Variants in ACTR3C observed in about 807,000 individuals in gnomAD.
ACTR3C encodes actin-related protein 3C.
A neutral mutation model predicts 26.3 loss-of-function variants in ACTR3C; 18 were observed. The observed-to-expected ratio is 0.68, with a 90% CI of 0.47 to 1.01. ACTR3C has a LOEUF of 1.01. ACTR3C is among the 50% of genes least tolerant of loss of function. The pLI is 0.00. For missense variants in ACTR3C, 184 were observed against 250.7 expected, an observed-to-expected ratio of 0.73 and a Z score of 1.80; for synonymous variants, 55 against 94.5, an observed-to-expected ratio of 0.58 and a Z score of 2.42.
the ACTR3C span, chr7:150,040,720 T>G: frequency 2.1e-5 from 3 of 146,178 alleles, no homozygotes; most frequent in Admixed American, 6.7e-5. Context: ...CTCCAGGTGG[T>G]TCCTAAGGAT....
the ACTR3C span, among the ~76,000 whole-genome samples, chr7:150,176,113 A>G: frequency 6.6e-6 from 1 of 150,882 alleles, no homozygotes; most frequent in Admixed American, 6.6e-5. Context: ...TACATGGCAA[A>G]AAAACACATA....
chr7:150,214,134 CAG>C, the ACTR3C span, among the ~76,000 whole-genome samples: 2 of 152,058 alleles, frequency 1.3e-5, no homozygotes, highest in African/African-American at 4.8e-5. Context: ...AAACAGAATG[CAG>C]AGTTTCCATA....
the ACTR3C span, among the ~76,000 whole-genome samples, chr7:149,987,488 A>G: frequency 6.8e-6 from 1 of 147,930 alleles, no homozygotes; most frequent in East Asian, 2.0e-4. Flanking sequence ...AATCACTTGA[A>G]CCTGGGAGGC....
the ACTR3C span, among the ~76,000 whole-genome samples, chr7:150,086,846 G>C: frequency 3.3e-5 from 5 of 152,184 alleles, no homozygotes; most frequent in Non-Finnish European, 7.3e-5. Flanking sequence ...CTGACAATCT[G>C]TCCCTTGTAC....
At chr7:150,071,784 A>T in the ACTR3C span, among the ~76,000 whole-genome samples, 1 of 151,852 alleles carries the variant, frequency 6.6e-6, no homozygotes, top group East Asian at 1.9e-4. Flanking sequence ...GCCAAACTCC[A>T]GAACGTGGTT....
chr7:150,073,906 C>A, the ACTR3C span: 3 of 152,186 alleles, frequency 2.0e-5, no homozygotes, highest in Non-Finnish European at 4.4e-5. Context: ...CAGTTTTATG[C>A]TATTGATGTC....
At chr7:150,020,275 C>A in the ACTR3C span, among the ~76,000 whole-genome samples, 1 of 152,046 alleles carries the variant, frequency 6.6e-6, no homozygotes, top group East Asian at 1.9e-4. Flanking sequence ...AATTATAGCA[C>A]CAGAACAAGA....
chr7:150,070,839 G>C, the ACTR3C span, among the ~76,000 whole-genome samples: 1 of 149,084 alleles, frequency 6.7e-6, no homozygotes, highest in South Asian at 2.1e-4. Flanking sequence ...CTGTCACCCA[G>C]GTTGGAGTGC....
chr7:150,199,713 C>T, the ACTR3C span, among the ~76,000 whole-genome samples: 3 of 34,372 alleles, frequency 8.7e-5, no homozygotes, highest in Non-Finnish European at 1.9e-4. Flanking sequence ...AAATGTCATA[C>T]AATATTTTTA....
At chr7:149,889,884 GTAAAA>G in the ACTR3C span, among the ~76,000 whole-genome samples, 46 of 152,004 alleles carry the variant, frequency 3.0e-4, 1 homozygote, top group African/African-American at 1.1e-3. Flanking sequence ...GAGCAAAACA[GTAAAA>G]TAAAATAAAC....
chr7:150,215,330 A>G, the ACTR3C span, among the ~76,000 whole-genome samples: 1 of 152,194 alleles, frequency 6.6e-6, no homozygotes, highest in Non-Finnish European at 1.5e-5. Context: ...ACATTTTACT[A>G]ATTCATTGGT....
At chr7:150,037,063 G>T in the ACTR3C span, among the ~76,000 whole-genome samples, 1 of 103,262 alleles carries the variant, frequency 9.7e-6, no homozygotes, top group East Asian at 2.6e-4. Context: ...CCCCACCCTC[G>T]CGGGGGGTGC....
At chr7:150,247,206 A>T (rs907682677), downstream of ACTR3C, 1 of 152,236 alleles carries the variant, frequency 6.6e-6, no homozygotes, top group Non-Finnish European at 1.5e-5. Flanking sequence ...AAAAACAAAC[A>T]AACAGTGACC....
At chr7:150,196,676 G>T in the ACTR3C span, among the ~76,000 whole-genome samples, 1 of 152,122 alleles carries the variant, frequency 6.6e-6, no homozygotes, top group Non-Finnish European at 1.5e-5. Flanking sequence ...ACAGTTTTGC[G>T]CTTGGAAATT....
intron 6 of ACTR3C, among the ~76,000 whole-genome samples, chr7:150,276,698 G>C (rs1424012159): frequency 6.6e-6 from 1 of 152,088 alleles, no homozygotes; most frequent in Non-Finnish European, 1.5e-5. Context: ...CCTCCTCTTC[G>C]GCCTGCAACT....
chr7:150,058,597 C>T, the ACTR3C span, among the ~76,000 whole-genome samples: 5 of 152,282 alleles, frequency 3.3e-5, no homozygotes, highest in South Asian at 2.1e-4. Context: ...GGATTTGATG[C>T]TCAAAGTTGC....
intron 6 of ACTR3C, among the ~76,000 whole-genome samples, chr7:150,265,366 A>G: frequency 6.7e-6 from 1 of 149,788 alleles, no homozygotes; most frequent in East Asian, 2.0e-4. Flanking sequence ...TTAATGTAAT[A>G]GATTTTTTTA....
chr7:150,151,407 A>G, the ACTR3C span, among the ~76,000 whole-genome samples: 1 of 137,924 alleles, frequency 7.3e-6, no homozygotes, highest in African/African-American at 2.5e-5. Flanking sequence ...CTATCTCATC[A>G]TAAAATGTGC....
chr7:150,005,480 G>A, the ACTR3C span, among the ~76,000 whole-genome samples: 2 of 151,894 alleles, frequency 1.3e-5, no homozygotes, highest in Non-Finnish European at 2.9e-5. Flanking sequence ...AAAGCTGCAC[G>A]ATGAACAAAA....
Sources: allele counts gnomAD v4.1 joint callset (sites outside exome capture counted in the v4.1 genomes callset), GRCh38; gene constraint gnomAD v4.1.1; transcripts MANE v1.5; gene names NCBI Gene and HGNC (gene_info 2026-07-23, HGNC 2026-07-21).